Variants in PCDHGA5 observed in about 807,000 individuals in gnomAD.
The protein encoded by PCDHGA5 is protocadherin gamma-A5.
A neutral mutation model predicts 56.7 loss-of-function variants in PCDHGA5; 36 were observed. The ratio of observed to expected loss-of-function variants is 0.64; its 90% confidence interval spans 0.49 to 0.84. The LOEUF (loss-of-function observed/expected upper bound fraction) is 0.84, where lower values mean the gene tolerates loss of function less well. Among genes scored for constraint, PCDHGA5 ranks in the 40% least tolerant of loss-of-function variants. PCDHGA5 has a pLI of 0.00. For missense variants in PCDHGA5, 1,305 were observed against 1,201.5 expected (o/e 1.09, Z -1.27); for synonymous variants, 563 against 520.2 (o/e 1.08, Z -1.12).
chr5:141,364,295 A>G lies in PCDHGA5; in HGVS notation c.-36A>G. 6.6e-7 allele frequency: 1 copy of G among 1,520,404 alleles called. No individual in the cohort carries two copies. Among genetic ancestry groups the G allele is most frequent in the South Asian group, 1.3e-5 (1 of 74,530 alleles). The allele number at this position is 1,520,404 out of a possible 1,614,324, so 94.2% of individuals were successfully genotyped here. A position where few individuals can be genotyped will look rare whatever the true frequency, so the allele number is the denominator to read the frequency against. On this transcript the variant is annotated 5_prime_UTR_variant, in exon 1 of 4. Coordinates refer to ENST00000518069, the MANE Select transcript of PCDHGA5 (RefSeq NM_018918.3). Reference sequence around the variant, plus strand: ...GATAAATAAGGAAACAGCAGGCTGAACCAGAACTAAGAGAAAATTGGGCAG... The same window carrying G: ...GATAAATAAGGAAACAGCAGGCTGAGCCAGAACTAAGAGAAAATTGGGCAG...
chr5:141,489,112 A>C lies in PCDHGA5; in HGVS notation c.2422-5695A>C. 3 of 412,420 alleles carry C rather than the reference A, an allele frequency of 7.3e-6. No individual in the cohort carries two copies. Among genetic ancestry groups the C allele is most frequent in the South Asian group, 4.2e-5 (1 of 23,838 alleles). The allele number at this position is 412,420 out of a possible 1,614,324, so 25.5% of individuals were successfully genotyped here. ...TGACTAAGAACTGCTGCAAGCAGGC[A>C]AACCTCCGAGCAGTTTTTAAGAGGC... is the stretch of plus-strand genomic sequence containing the variant. On this transcript the variant is annotated intron_variant, in intron 1 of 3. Coordinates refer to ENST00000518069, the MANE Select transcript of PCDHGA5 (RefSeq NM_018918.3). The surrounding 1 kb of genome is among the most constrained non-coding windows in gnomAD (Gnocchi z 4.5).
chr5:141,385,164 T>C (rs758100484), intron 1 of PCDHGA5: 3 of 1,614,168 alleles, frequency 1.9e-6, no homozygotes, highest in Middle Eastern at 1.6e-4. Flanking sequence ...CCTATTCCCA[T>C]GAGGTCTCCC....
chr5:141,468,763 G>A (rs1341363934), intron 1 of PCDHGA5, among the ~76,000 whole-genome samples: 1 of 152,078 alleles, frequency 6.6e-6, no homozygotes, highest in Non-Finnish European at 1.5e-5. Flanking sequence ...CTACTCGGGA[G>A]GCTGAGGCAG....
At chr5:141,383,976 C>T (rs1438303235) in intron 1 of PCDHGA5, 1 of 1,613,642 alleles carries the variant, frequency 6.2e-7, no homozygotes, top group Non-Finnish European at 8.5e-7. Context: ...TCCCTGAAGA[C>T]ACACCTCTTG....
rs199658498 is a variant in PCDHGA5 at position 141,394,428 on chromosome 5, G to C, written c.2421+27677G>C. 4 of 1,614,114 alleles carry C rather than the reference G, an allele frequency of 2.5e-6. No individual in the cohort carries two copies. In the East Asian group the frequency reaches 6.7e-5, roughly 27 times the overall value. ...ACTGGTAACAGCCAGCGACAGCGGGGACCCGCCCCTCAGCAGCAACATGTC... is the reference window on the plus strand; with the variant it reads ...ACTGGTAACAGCCAGCGACAGCGGGCACCCGCCCCTCAGCAGCAACATGTC... On this transcript the variant is annotated intron_variant, in intron 1 of 3. Coordinates refer to ENST00000518069, the MANE Select transcript of PCDHGA5 (RefSeq NM_018918.3).
rs779535322 is a variant in PCDHGA5 at position 141,398,516 on chromosome 5, C to A, written c.2421+31765C>A. ...GAGATCGAGGACATTAATGACCACACGCCAAAATTCACGCAAAATTCCTTT... is the reference window on the plus strand; with the variant it reads ...GAGATCGAGGACATTAATGACCACAAGCCAAAATTCACGCAAAATTCCTTT... On this transcript the variant is annotated intron_variant, in intron 1 of 3. Coordinates refer to ENST00000518069, the MANE Select transcript of PCDHGA5 (RefSeq NM_018918.3). The A allele has an allele frequency of 1.9e-6, 3 of 1,598,584 alleles. No individual in the cohort carries two copies. The South Asian group carries it at 3.3e-5, about 18-fold the overall frequency.
intron 1 of PCDHGA5, chr5:141,404,757 C>T (rs759444247): frequency 3.1e-6 from 5 of 1,613,918 alleles, no homozygotes; most frequent in Non-Finnish European, 4.2e-6. Flanking sequence ...GGCCAGAATG[C>T]TTGGCTCTCC....
chr5:141,429,631 G>A (rs1272926056), intron 1 of PCDHGA5, among the ~76,000 whole-genome samples: 1 of 152,132 alleles, frequency 6.6e-6, no homozygotes, highest in Non-Finnish European at 1.5e-5. Context: ...TTTTCTCACA[G>A]CTACCTATAT....
rs985430498 is a variant in PCDHGA5 at position 141,387,945 on chromosome 5, C to T, written c.2421+21194C>T. The T allele has an allele frequency of 4.0e-6, 6 of 1,484,034 alleles. No homozygotes were observed. The African/African-American group carries it at 8.5e-5, about 21-fold the overall frequency. The allele number at this position is 1,484,034 out of a possible 1,614,324, so 91.9% of individuals were successfully genotyped here. A position where few individuals can be genotyped will look rare whatever the true frequency, so the allele number is the denominator to read the frequency against. On this transcript the variant is annotated intron_variant, in intron 1 of 3. Coordinates refer to ENST00000518069, the MANE Select transcript of PCDHGA5 (RefSeq NM_018918.3). ...GAGGCTGCCAGTGCTCTTTCTCTTC[C>T]TGCTGTCTTTGTTCTGCCCGGCGCT...
intron 1 of PCDHGA5, chr5:141,410,578 T>G: frequency 1.9e-6 from 3 of 1,610,984 alleles, no homozygotes; most frequent in Non-Finnish European, 2.5e-6. Context: ...TTCCACCTCA[T>G]GGTGGGGAGG....
chr5:141,385,196 G>T, intron 1 of PCDHGA5: 1 of 1,614,230 alleles, frequency 6.2e-7, no homozygotes, highest in South Asian at 1.1e-5. Flanking sequence ...TCTCGGAAGA[G>T]TCACCTGATC....
Position 141,423,691 on chromosome 5 carries a change from T to C in PCDHGA5, c.2421+56940T>C. On this transcript the variant is annotated intron_variant, in intron 1 of 3. Coordinates refer to ENST00000518069, the MANE Select transcript of PCDHGA5 (RefSeq NM_018918.3). Reference sequence around the variant, plus strand: ...ATTTATTTCTCTGCCTCCTAATTGTTGGTGTCTTGGCACAAGTCTTTTAAG... The same window carrying C: ...ATTTATTTCTCTGCCTCCTAATTGTCGGTGTCTTGGCACAAGTCTTTTAAG... 5 of 1,506,830 alleles carry C rather than the reference T, an allele frequency of 3.3e-6. No individual in the cohort carries two copies. The South Asian group carries it at 6.9e-5, about 21-fold the overall frequency. 93.3% of individuals were successfully genotyped at this position (1,506,830 alleles called of 1,614,324 possible).
rs752660585 is a variant in PCDHGA5 at position 141,400,337 on chromosome 5, C to A, written c.2421+33586C>A. The A allele has an allele frequency of 6.6e-5, 106 of 1,613,962 alleles. No homozygotes were observed. The Admixed American group carries it at 1.7e-3, about 26-fold the overall frequency. ...GTCAAGTCTGGACCTGTGGTTCCCC[C>A]CAACTACAGTCAGGGGACTTTGCCT... On this transcript the variant is annotated intron_variant, in intron 1 of 3. Transcript: ENST00000518069.
intron 1 of PCDHGA5, chr5:141,398,344 C>G (rs901692894): frequency 7.3e-7 from 1 of 1,372,066 alleles, no homozygotes; most frequent in African/African-American, 1.5e-5. Context: ...TTCGGAGAAG[C>G]CTTACTTCAC....
chr5:141,511,007 G>A lies in PCDHGA5; in HGVS notation c.2630G>A (p.Arg877His), dbSNP rs780918754. The change falls in exon 4 of 4, where the codon CGC becomes CAC. Residue 877 changes from arginine to histidine, a missense_variant. Physicochemically the swap from Arg to His is conservative, Grantham distance 29 (BLOSUM62 0). Transcript: ENST00000518069. ...GCCGGCACCATGGGATTGAGCGCCC[G>A]CTACGGACCCCAGTTCACCCTGCAG... is the stretch of plus-strand genomic sequence containing the variant. ...GGAGTMGLSA[R>H]YGPQFTLQHV... 1.9e-6 allele frequency: 3 copies of A among 1,614,158 alleles called. No individual in the cohort carries two copies. Among genetic ancestry groups the A allele is most frequent in the East Asian group, 4.5e-5 (2 of 44,890 alleles).
intron 1 of PCDHGA5, chr5:141,422,550 G>A: frequency 6.2e-7 from 1 of 1,613,978 alleles, no homozygotes; most frequent in Non-Finnish European, 8.5e-7. Flanking sequence ...ATGTCTGGCT[G>A]AATGTGGCAG....
intron 1 of PCDHGA5, chr5:141,383,263 G>C: frequency 1.9e-6 from 3 of 1,613,926 alleles, no homozygotes; most frequent in Non-Finnish European, 2.5e-6. Context: ...TATAGACGTG[G>C]AAATAATAGA....
chr5:141,370,789 C>A (rs796186624), intron 1 of PCDHGA5: 4 of 1,613,906 alleles, frequency 2.5e-6, no homozygotes, highest in Non-Finnish European at 3.4e-6. Context: ...AACCCACCGA[C>A]CTTTAGCCAA....
At chr5:141,462,547 T>G (rs534942187) in intron 1 of PCDHGA5, among the ~76,000 whole-genome samples, 1 of 152,330 alleles carries the variant, frequency 6.6e-6, no homozygotes, top group African/African-American at 2.4e-5. Flanking sequence ...TCTTTTCTTC[T>G]TCAGTGTTTA....
Sources: gnomAD v4.1 joint callset for allele counts (sites outside exome capture counted in the v4.1 genomes callset) on GRCh38, gnomAD v4.1.1 for gene constraint, Gnocchi (gnomAD v3.1) non-coding constraint, MANE v1.5 for transcripts, NCBI Gene and HGNC (gene_info 2026-07-23, HGNC 2026-07-21) for gene names.